PPARGC1A: variants seen among roughly 807,000 people sequenced by gnomAD.
PPARGC1A encodes peroxisome proliferator-activated receptor gamma coactivator 1-alpha.
In PPARGC1A, 25 loss-of-function variants were observed where a neutral mutation model predicts 88.7. The observed-to-expected ratio is 0.28, with a 90% CI of 0.21 to 0.39. PPARGC1A has a LOEUF of 0.39. PPARGC1A is among the 10% of genes least tolerant of loss of function. The pLI, the probability that PPARGC1A is intolerant of heterozygous loss-of-function variation, is 1.00. For missense variants in PPARGC1A, 880 were observed against 968.7 expected, an observed-to-expected ratio of 0.91 and a Z score of 1.22; for synonymous variants, 363 against 355.6, an observed-to-expected ratio of 1.02 and a Z score of -0.24.
At chr4:23,903,298 A>C (rs959101722), upstream of PPARGC1A, among the ~76,000 whole-genome samples, 2 of 152,178 alleles carry the variant, frequency 1.3e-5, no homozygotes, top group African/African-American at 4.8e-5. Context: ...AATTGATTTG[A>C]TGTGGCCCAA....
At chr4:24,030,862 G>T in the PPARGC1A span, among the ~76,000 whole-genome samples, 1 of 152,168 alleles carries the variant, frequency 6.6e-6, no homozygotes, top group African/African-American at 2.4e-5. Flanking sequence ...TCATTCATTT[G>T]CTCACTCACT....
In PPARGC1A at chr4:23,794,524, G is replaced by GT. The variant is rs112221315; in HGVS notation, c.*1297dup. 10 of 152,498 alleles carry GT rather than the reference G, an allele frequency of 6.6e-5. No individual in the cohort carries two copies. Among genetic ancestry groups the GT allele is most frequent in the African/African-American group, 2.2e-4 (9 of 41,540 alleles). 9.4% of individuals were successfully genotyped at this position (152,498 alleles called of 1,614,324 possible). On this transcript the variant is annotated 3_prime_UTR_variant, in exon 13 of 13. Coordinates refer to ENST00000264867, the MANE Select transcript of PPARGC1A (RefSeq NM_013261.5). ...CAACAGACACACACACTGTCTTTTT[G>GT]TTTTTACAATCAAATATATATAAGC... is the stretch of plus-strand genomic sequence containing the variant.
At chr4:24,074,767 G>A in the PPARGC1A span, among the ~76,000 whole-genome samples, 1 of 152,008 alleles carries the variant, frequency 6.6e-6, no homozygotes, top group African/African-American at 2.4e-5. Context: ...GGGTGCTTTG[G>A]CCCTTAAGTA....
the PPARGC1A span, among the ~76,000 whole-genome samples, chr4:23,943,386 T>G: frequency 6.6e-6 from 1 of 151,988 alleles, no homozygotes; most frequent in East Asian, 1.9e-4. Context: ...AAAGGTTTTT[T>G]TTTTTTTTTT....
chr4:24,066,068 C>G, the PPARGC1A span, among the ~76,000 whole-genome samples: 2,006 of 143,562 alleles, frequency 0.014, 38 homozygotes, highest in African/African-American at 0.047. Context: ...TAGTGCACTT[C>G]TCTTTGCCTT....
At chr4:24,082,559 G>A in the PPARGC1A span, among the ~76,000 whole-genome samples, 1,823 of 152,292 alleles carry the variant, frequency 0.012, 42 homozygotes, top group African/African-American at 0.041. Context: ...TGCACCATAA[G>A]TGAGAGAATC....
chr4:24,470,784 C>T, the PPARGC1A span, among the ~76,000 whole-genome samples: 1 of 151,464 alleles, frequency 6.6e-6, no homozygotes, highest in Non-Finnish European at 1.5e-5. The surrounding 1 kb of genome is among the most constrained non-coding windows in gnomAD (Gnocchi z 5.8). Context: ...GCCGCGGCGG[C>T]GGGAGCCTCT....
At chr4:24,110,576 A>C in the PPARGC1A span, among the ~76,000 whole-genome samples, 1 of 152,228 alleles carries the variant, frequency 6.6e-6, no homozygotes, top group Non-Finnish European at 1.5e-5. Flanking sequence ...CTGGGGACAC[A>C]GCAAGAAACA....
chr4:24,134,512 T>C, the PPARGC1A span, among the ~76,000 whole-genome samples: 6 of 152,268 alleles, frequency 3.9e-5, no homozygotes, highest in Non-Finnish European at 8.8e-5. Flanking sequence ...TAGATCTCCA[T>C]ATTCCAGATG....
At chr4:24,142,274 C>T in the PPARGC1A span, among the ~76,000 whole-genome samples, 37 of 152,124 alleles carry the variant, frequency 2.4e-4, no homozygotes, top group Middle Eastern at 3.4e-3. Flanking sequence ...AGAGATGAAA[C>T]GCTAATAAAT....
At chr4:24,014,259 T>C in the PPARGC1A span, among the ~76,000 whole-genome samples, 1 of 152,152 alleles carries the variant, frequency 6.6e-6, no homozygotes, top group African/African-American at 2.4e-5. Context: ...CCTCTGAACC[T>C]TGACCCTCAC....
chr4:24,263,981 G>A, the PPARGC1A span, among the ~76,000 whole-genome samples: 1 of 151,884 alleles, frequency 6.6e-6, no homozygotes, highest in Non-Finnish European at 1.5e-5. Context: ...TACCCCCCGG[G>A]CTCAAGTGAT....
chr4:24,410,793 A>G, the PPARGC1A span, among the ~76,000 whole-genome samples: 2 of 152,140 alleles, frequency 1.3e-5, no homozygotes, highest in Non-Finnish European at 2.9e-5. Flanking sequence ...CAAGTTCTTC[A>G]GCTTTTGGAC....
chr4:23,967,474 C>T, the PPARGC1A span, among the ~76,000 whole-genome samples: 1 of 152,072 alleles, frequency 6.6e-6, no homozygotes, highest in African/African-American at 2.4e-5. Flanking sequence ...ACAGCAGCTC[C>T]AGTGCTGATG....
chr4:24,127,176 T>G, the PPARGC1A span, among the ~76,000 whole-genome samples: 4 of 152,124 alleles, frequency 2.6e-5, no homozygotes, highest in Non-Finnish European at 5.9e-5. Context: ...CCTACTTGGT[T>G]TTTTGTTTTT....
At chr4:23,921,750 T>G in the PPARGC1A span, among the ~76,000 whole-genome samples, 4 of 152,174 alleles carry the variant, frequency 2.6e-5, no homozygotes, top group Non-Finnish European at 5.9e-5. Flanking sequence ...AGTTGGGAGT[T>G]GGAAATTATT....
chr4:24,280,745 G>A, the PPARGC1A span, among the ~76,000 whole-genome samples: 1 of 152,126 alleles, frequency 6.6e-6, no homozygotes, highest in East Asian at 1.9e-4. Flanking sequence ...TGAGAAAATG[G>A]GTTTCATTCC....
intron 5 of PPARGC1A, among the ~76,000 whole-genome samples, chr4:23,826,746 G>A (rs367706767): frequency 1.3e-5 from 2 of 152,058 alleles, no homozygotes; most frequent in Non-Finnish European, 2.9e-5. Flanking sequence ...GTTCTGGGGT[G>A]AGCGTTTTGT....
the PPARGC1A span, among the ~76,000 whole-genome samples, chr4:24,084,251 C>T: frequency 6.6e-6 from 1 of 152,176 alleles, no homozygotes; most frequent in East Asian, 1.9e-4. Flanking sequence ...GACCCTCCTG[C>T]AAAGTTCTAG....
Sources: allele counts gnomAD v4.1 joint callset (sites outside exome capture counted in the v4.1 genomes callset), GRCh38; gene constraint gnomAD v4.1.1; non-coding constraint Gnocchi (gnomAD v3.1); transcripts MANE v1.5; gene names NCBI Gene and HGNC (gene_info 2026-07-23, HGNC 2026-07-21).